Variants in NR5A2 observed in about 807,000 individuals in gnomAD.
NR5A2 encodes nuclear receptor subfamily 5 group A member 2.
A neutral mutation model predicts 62.7 loss-of-function variants in NR5A2; 26 were observed. That is an observed-to-expected ratio of 0.41 (90% confidence interval 0.30 to 0.58). NR5A2 has a LOEUF of 0.58. Among genes scored for constraint, NR5A2 ranks in the 20% least tolerant of loss-of-function variants. The probability of loss-of-function intolerance (pLI) is 0.22; values close to 1 mark genes in which losing one functional copy is unlikely to be tolerated. For missense variants in NR5A2, 541 were observed against 669.1 expected, an observed-to-expected ratio of 0.81 and a Z score of 2.11; for synonymous variants, 246 against 241.7, an observed-to-expected ratio of 1.02 and a Z score of -0.16.
At position 200,039,715 on chromosome 1, in the gene NR5A2, T is replaced by A. The variant is rs776607104; in HGVS notation, c.122T>A (p.Met41Lys). Residue 41 changes from methionine (M) to lysine (K), a missense_variant, in exon 2 of 8, where the codon ATG (methionine) becomes AAG (lysine). Physicochemically the swap from Met to Lys is moderately conservative, Grantham distance 95. Coordinates refer to ENST00000367362, the MANE Select transcript of NR5A2 (RefSeq NM_205860.3). This position sits in a 1 kb window ranked among gnomAD's most constrained non-coding sequence, Gnocchi z 5.1. ...ATCCCCGCCCGCGGTCGCCTTGTCA[T>A]GCTGCCCAAAGTGGAGACGGAAGCC... ...SPIPARGRLV[M>K]LPKVETEALG... 1 of 1,612,090 alleles carries A rather than the reference T, an allele frequency of 6.2e-7. No homozygotes were observed. Among genetic ancestry groups the A allele is most frequent in the South Asian group, 1.1e-5 (1 of 91,016 alleles).
intron 7 of NR5A2, chr1:200,148,130 GC>G: frequency 2.9e-6 from 1 of 349,854 alleles, no homozygotes; most frequent in Non-Finnish European, 4.7e-6. Context: ...AGTCCTCCTT[GC>G]CCACGCTGGA....
rs547806199 is a variant in NR5A2, at chr1:200,093,984, G to A, written c.1111-17218G>A. ...AGCCTGGCCAATATGGTGAAACTCC[G>A]TCTCTACTAAAAATACAAAAATAAA... On this transcript the variant is annotated intron_variant, in intron 5 of 7. Coordinates refer to ENST00000367362, the MANE Select transcript of NR5A2 (RefSeq NM_205860.3). Among the ~76,000 whole-genome samples the A allele has an allele frequency of 5.6e-3, 851 of 151,996 alleles. 5 individuals are homozygous for A. Among genetic ancestry groups the A allele is most frequent in the Non-Finnish European group, 9.3e-3 (634 of 67,932 alleles).
At chr1:200,105,898 G>A (rs1665633911) in intron 5 of NR5A2, among the ~76,000 whole-genome samples, 1 of 152,040 alleles carries the variant, frequency 6.6e-6, no homozygotes, top group Non-Finnish European at 1.5e-5. Flanking sequence ...GATCTATGAC[G>A]TCAATTTTAA....
rs116603498 is a variant in NR5A2 at position 200,174,479 on chromosome 1, G to A, written c.*269G>A. On this transcript the variant is annotated 3_prime_UTR_variant, in exon 8 of 8. Coordinates refer to ENST00000367362, the MANE Select transcript of NR5A2 (RefSeq NM_205860.3). The stretch of plus-strand genomic sequence containing the variant: ...CATATAAAAGACATTGTAATGGAGT[G>A]GATTGAACTCACAGATGGATACCAA... 1,249 of 253,814 alleles carry A rather than the reference G, an allele frequency of 4.9e-3. 15 individuals are homozygous for A. The highest frequency in any genetic ancestry group is 0.025 in the African/African-American group (1,119 of 45,112). The allele number at this position is 253,814 out of a possible 1,614,324, so 15.7% of individuals were successfully genotyped here.
At chr1:200,122,990 C>T (rs1033280821) in intron 7 of NR5A2, among the ~76,000 whole-genome samples, 4 of 152,058 alleles carry the variant, frequency 2.6e-5, no homozygotes, top group Non-Finnish European at 4.4e-5. Context: ...CTTTAGGTGC[C>T]TCAGCTAGCC....
intron 7 of NR5A2, among the ~76,000 whole-genome samples, chr1:200,144,116 A>T (rs7537087): frequency 0.89 from 134,835 of 152,072 alleles, 61,198 homozygotes; most frequent in Non-Finnish European, 0.98. Context: ...ATATTTTGAC[A>T]AGAAGCACAG....
chr1:200,129,100 G>A (rs780769566), intron 7 of NR5A2, among the ~76,000 whole-genome samples: 1 of 152,148 alleles, frequency 6.6e-6, no homozygotes, highest in Non-Finnish European at 1.5e-5. Context: ...CTATAGAGTG[G>A]TTGGTAAGGC....
intron 7 of NR5A2, among the ~76,000 whole-genome samples, chr1:200,144,751 C>T (rs1448647008): frequency 6.6e-6 from 1 of 152,192 alleles, no homozygotes; most frequent in Non-Finnish European, 1.5e-5. Context: ...ATCGTTATCT[C>T]ATTTAATTCC....
intron 7 of NR5A2, among the ~76,000 whole-genome samples, chr1:200,153,781 A>G (rs1454327443): frequency 1.3e-5 from 2 of 152,068 alleles, no homozygotes; most frequent in Non-Finnish European, 2.9e-5. Context: ...AAATAAAAGG[A>G]AGGAGGAAAG....
At chr1:200,164,867 GTTTTTTTTTTT>G (rs56818276) in intron 7 of NR5A2, among the ~76,000 whole-genome samples, 23 of 63,932 alleles carry the variant, frequency 3.6e-4, no homozygotes, top group African/African-American at 1.6e-3. Flanking sequence ...TTTTAGAGCA[GTTTTTTTTTTT>G]TTTTTTTTTT....
At chr1:200,053,281 G>A (rs1325189141) in intron 5 of NR5A2, among the ~76,000 whole-genome samples, 1 of 152,038 alleles carries the variant, frequency 6.6e-6, no homozygotes, top group African/African-American at 2.4e-5. Flanking sequence ...CCAAAATAAT[G>A]GCTTGAGAAA....
intron 7 of NR5A2, among the ~76,000 whole-genome samples, chr1:200,155,562 TA>T (rs1653337689): frequency 6.6e-6 from 1 of 152,242 alleles, no homozygotes; most frequent in Non-Finnish European, 1.5e-5. Context: ...CCAGGTCGAC[TA>T]CCAGTTTGCT....
intron 5 of NR5A2, among the ~76,000 whole-genome samples, chr1:200,083,953 G>A (rs989277213): frequency 1.5e-4 from 21 of 140,484 alleles, no homozygotes; most frequent in African/African-American, 4.5e-4. Flanking sequence ...CAACAAGAGC[G>A]AAACTCCATC....
rs187189958 is a variant in NR5A2 at position 200,175,082 on chromosome 1, A to G, written c.*872A>G. 14 of 152,774 alleles carry G rather than the reference A, an allele frequency of 9.2e-5. No individual in the cohort carries two copies. In the East Asian group the frequency reaches 1.9e-3, roughly 21 times the overall value. 9.5% of individuals were successfully genotyped at this position (152,774 alleles called of 1,614,324 possible). On this transcript the variant is annotated 3_prime_UTR_variant, in exon 8 of 8. Transcript: ENST00000367362. ...GGCTTTGGCATTGTTGGATTTCATA[A>G]AAAATTTCTGGCAGGAAGTCTTGTT...
At chr1:200,127,217 A>T (rs1349449986) in intron 7 of NR5A2, among the ~76,000 whole-genome samples, 1 of 152,208 alleles carries the variant, frequency 6.6e-6, no homozygotes, top group Non-Finnish European at 1.5e-5. Flanking sequence ...CTCTTCGGAG[A>T]CATTGGATCT....
chr1:200,066,052 T>C (rs951452675), intron 5 of NR5A2, among the ~76,000 whole-genome samples: 1 of 152,132 alleles, frequency 6.6e-6, no homozygotes, highest in Non-Finnish European at 1.5e-5. Context: ...TTTTAAGCAA[T>C]GGAGTGATTT....
At chr1:200,059,786 C>T (rs1223852296) in intron 5 of NR5A2, among the ~76,000 whole-genome samples, 1 of 152,158 alleles carries the variant, frequency 6.6e-6, no homozygotes, top group Non-Finnish European at 1.5e-5. Flanking sequence ...CTGACCTATT[C>T]TTCTGCAGCT....
At chr1:200,128,798 C>T (rs1181533600) in intron 7 of NR5A2, among the ~76,000 whole-genome samples, 3 of 152,042 alleles carry the variant, frequency 2.0e-5, no homozygotes, top group African/African-American at 4.8e-5. Flanking sequence ...AATCATAACT[C>T]GGCTCTTGCA....
intron 5 of NR5A2, among the ~76,000 whole-genome samples, chr1:200,091,776 C>A (rs1664829588): frequency 6.6e-6 from 1 of 152,174 alleles, no homozygotes; most frequent in Admixed American, 6.5e-5. Flanking sequence ...AGCCACTGCA[C>A]CTGGCCCCCT....
Sources: allele counts gnomAD v4.1 joint callset (sites outside exome capture counted in the v4.1 genomes callset), GRCh38; gene constraint gnomAD v4.1.1; non-coding constraint Gnocchi (gnomAD v3.1); transcripts MANE v1.5; gene names NCBI Gene and HGNC (gene_info 2026-07-23, HGNC 2026-07-21).